Variants in PALD1 observed in about 807,000 individuals in gnomAD.
PALD1 encodes phosphatase domain containing paladin 1, also known as paladin.
In PALD1, 57 loss-of-function variants were observed where a neutral mutation model predicts 96.0. The observed-to-expected ratio is 0.59, with a 90% confidence interval of 0.48 to 0.74. The LOEUF is 0.74. Ranked by LOEUF, PALD1 falls within the 30% of genes least tolerant of loss-of-function variation. The probability of loss-of-function intolerance (pLI) is 0.00; values close to 1 mark genes in which losing one functional copy is unlikely to be tolerated. For missense variants in PALD1, 1,063 were observed against 1,143.7 expected (o/e 0.93, Z 1.02); for synonymous variants, 464 against 473.6 (o/e 0.98, Z 0.26).
the PALD1 span, among the ~76,000 whole-genome samples, chr10:70,466,637 T>G: frequency 2.0e-5 from 3 of 152,206 alleles, no homozygotes. Flanking sequence ...AAGCTTTACA[T>G]CTTCTCAGGC....
At chr10:70,475,368 G>T (rs955521923), upstream of PALD1, among the ~76,000 whole-genome samples, 2 of 152,168 alleles carry the variant, frequency 1.3e-5, no homozygotes, top group African/African-American at 4.8e-5. Context: ...CAGGCGTCAC[G>T]GATGAGTTTG....
chr10:70,556,173 T>C (rs982476896), intron 18 of PALD1, among the ~76,000 whole-genome samples: 5 of 152,092 alleles, frequency 3.3e-5, no homozygotes, highest in Non-Finnish European at 7.4e-5. Context: ...CTCTTTCACT[T>C]GAACCCAGCC....
chr10:70,474,129 T>A (rs1845793950), upstream of PALD1, among the ~76,000 whole-genome samples: 1 of 152,184 alleles, frequency 6.6e-6, no homozygotes, highest in Non-Finnish European at 1.5e-5. Flanking sequence ...TAAGTGGTCC[T>A]GTGGGGAGGG....
At chr10:70,498,954 G>C (rs577458485) in intron 1 of PALD1, among the ~76,000 whole-genome samples, 1 of 151,660 alleles carries the variant, frequency 6.6e-6, no homozygotes, top group Admixed American at 6.6e-5. Flanking sequence ...GGTATCATAC[G>C]TCTTTGGGAT....
rs749098092 is a variant in PALD1 at position 70,530,116 on chromosome 10, A to G, written c.468+48A>G. ...AGAAGCCAGGTCCCCAAAGCCAGGG[A>G]GAGGGGCACCTTGGAGGGGCAGCTT... On this transcript the variant is annotated intron_variant, in intron 4 of 19. Coordinates refer to ENST00000263563, the MANE Select transcript of PALD1 (RefSeq NM_014431.3). 6.2e-6 allele frequency: 9 copies of G among 1,449,088 alleles called. No individual in the cohort carries two copies. In the African/African-American group the frequency reaches 1.3e-4, roughly 21 times the overall value. 89.8% of individuals were successfully genotyped at this position (1,449,088 alleles called of 1,614,324 possible). A position where few individuals can be genotyped will look rare whatever the true frequency, so the allele number is the denominator to read the frequency against.
chr10:70,550,913 A>G (rs571506294), intron 18 of PALD1, among the ~76,000 whole-genome samples: 76 of 152,328 alleles, frequency 5.0e-4, no homozygotes, highest in Admixed American at 9.8e-4. Flanking sequence ...GCTATTATGA[A>G]TAATGTTGCT....
intron 9 of PALD1, 91 bp downstream of exon 9, chr10:70,534,615 C>A: frequency 8.9e-7 from 1 of 1,129,604 alleles, no homozygotes; most frequent in Non-Finnish European, 1.3e-6. Flanking sequence ...TTCCCGATAC[C>A]CTCCCCTACC....
At chr10:70,560,996 A>G (rs781071507) in intron 18 of PALD1, among the ~76,000 whole-genome samples, 22 of 152,160 alleles carry the variant, frequency 1.4e-4, no homozygotes, top group Non-Finnish European at 2.9e-4. Flanking sequence ...ATTGTCTCAA[A>G]TCACAGACCT....
At chr10:70,519,822 G>A (rs1255668140) in intron 1 of PALD1, among the ~76,000 whole-genome samples, 7 of 152,042 alleles carry the variant, frequency 4.6e-5, no homozygotes, top group South Asian at 2.1e-4. Flanking sequence ...TGATCTGCCC[G>A]CCTCAGCCTC....
At chr10:70,533,152 G>T in intron 7 of PALD1, 82 bp downstream of exon 7, 1 of 1,106,682 alleles carries the variant, frequency 9.0e-7, no homozygotes, top group Non-Finnish European at 1.3e-6. Flanking sequence ...ACAGCCTCTC[G>T]CCTTCCTCAG....
rs747594245 is a variant in PALD1 at position 70,566,697 on chromosome 10, C to T, written c.2535C>T (p.Cys845=). 1.2e-6 allele frequency: 2 copies of T among 1,605,690 alleles called. No individual in the cohort carries two copies. The highest frequency in any genetic ancestry group is 1.7e-5 in the Admixed American group (1 of 59,494). ...RLRYRWQEQS[C]SLEPSAPEDL... ...GCTACCGGTGGCAGGAGCAGAGCTG[C>T]AGCCTCGAGCCCTCTGCCCCCGAGG... The change falls in exon 20 of 20, where the codon TGC becomes TGT. Residue 845 remains cysteine, a synonymous_variant. Transcript: ENST00000263563.
chr10:70,534,896 C>G (rs1193320643), intron 10 of PALD1, 53 bp downstream of exon 10: 3 of 1,202,122 alleles, frequency 2.5e-6, no homozygotes, highest in African/African-American at 3.0e-5. Context: ...GCCCTGCAGC[C>G]TGATTTCATT....
At chr10:70,466,567 C>G in the PALD1 span, among the ~76,000 whole-genome samples, 1 of 152,164 alleles carries the variant, frequency 6.6e-6, no homozygotes, top group Non-Finnish European at 1.5e-5. Flanking sequence ...TAATTAAACA[C>G]TACAGTGGCA....
intron 3 of PALD1, 151 bp from the exon 4 acceptor site, chr10:70,529,738 T>C: frequency 1.6e-6 from 1 of 623,576 alleles, no homozygotes; most frequent in South Asian, 2.0e-5. Flanking sequence ...GTCTGTTTTT[T>C]CCATGAACTG....
In PALD1 at chr10:70,538,879, G is replaced by A. The variant is rs1419596765; in HGVS notation, c.1453-13G>A. On this transcript the variant is annotated splice_polypyrimidine_tract_variant and intron_variant, in intron 12 of 19. Coordinates refer to ENST00000263563, the MANE Select transcript of PALD1 (RefSeq NM_014431.3). ...GGCTGCTGTGGGTCCCAGGCTTGGTGCTCTCCCCACAGCGGGAGGACGATC... is the reference window on the plus strand; with the variant it reads ...GGCTGCTGTGGGTCCCAGGCTTGGTACTCTCCCCACAGCGGGAGGACGATC... 1 of 1,607,662 alleles carries A rather than the reference G, an allele frequency of 6.2e-7. No homozygotes were observed. The highest frequency in any genetic ancestry group is 2.2e-5 in the East Asian group (1 of 44,850).
upstream of PALD1, among the ~76,000 whole-genome samples, chr10:70,477,386 C>T (rs1845842713): frequency 6.6e-6 from 1 of 152,210 alleles, no homozygotes; most frequent in South Asian, 2.1e-4. Flanking sequence ...GACCACACAG[C>T]CAGTAAATTG....
Position 70,531,495 on chromosome 10 carries a change from C to T in PALD1, c.633+41C>T, listed in dbSNP as rs779149908. On this transcript the variant is annotated intron_variant, in intron 5 of 19. Coordinates refer to ENST00000263563, the MANE Select transcript of PALD1 (RefSeq NM_014431.3). ...GTGTGCGGGAGACCCCAGCCCACAG[C>T]CCAGCTTTGCAGATGCTCTTTTTGG... 3.8e-6 allele frequency: 6 copies of T among 1,568,576 alleles called. No homozygotes were observed. In the South Asian group the frequency reaches 5.8e-5, roughly 15 times the overall value.
chr10:70,475,117 G>A (rs1845806118), upstream of PALD1, among the ~76,000 whole-genome samples: 1 of 152,224 alleles, frequency 6.6e-6, no homozygotes, highest in Admixed American at 6.5e-5. Context: ...ACTGCTCTTT[G>A]CATCATTTTA....
At chr10:70,505,362 G>A (rs1846365273) in intron 1 of PALD1, among the ~76,000 whole-genome samples, 2 of 152,154 alleles carry the variant, frequency 1.3e-5, no homozygotes, top group Non-Finnish European at 2.9e-5. Context: ...TTGGGAGGCC[G>A]AGGGAGGCGG....
Sources: allele counts gnomAD v4.1 joint callset (sites outside exome capture counted in the v4.1 genomes callset), GRCh38; gene constraint gnomAD v4.1.1; transcripts MANE v1.5; gene names NCBI Gene and HGNC (gene_info 2026-07-23, HGNC 2026-07-21).